TNFRSF19: variants seen among roughly 807,000 people sequenced by gnomAD.
TNFRSF19 encodes tumor necrosis factor receptor superfamily member 19.
Under a neutral mutation model 46.4 loss-of-function variants are expected in TNFRSF19, and 27 were observed. The ratio of observed to expected loss-of-function variants is 0.58; its 90% CI spans 0.43 to 0.80. TNFRSF19 has a LOEUF of 0.80. TNFRSF19 is among the 30% of genes least tolerant of loss of function. The pLI, the probability that TNFRSF19 is intolerant of heterozygous loss-of-function variation, is 0.00. For missense variants in TNFRSF19, 511 were observed against 530.8 expected, an observed-to-expected ratio of 0.96 and a Z score of 0.37; for synonymous variants, 204 against 205.0, an observed-to-expected ratio of 1.00 and a Z score of 0.04.
At chr13:23,634,131 T>G (rs965464011) in intron 5 of TNFRSF19, among the ~76,000 whole-genome samples, 2 of 152,276 alleles carry the variant, frequency 1.3e-5, no homozygotes, top group Admixed American at 6.5e-5. Context: ...AATTGAAATC[T>G]TTCAAATTTA....
At chr13:23,594,793 C>T (rs1032731419) in intron 3 of TNFRSF19, among the ~76,000 whole-genome samples, 13 of 152,292 alleles carry the variant, frequency 8.5e-5, no homozygotes, top group Admixed American at 3.3e-4. Context: ...TCAAGTGGGT[C>T]GCTGACCCCC....
intron 2 of TNFRSF19, among the ~76,000 whole-genome samples, chr13:23,591,805 A>C (rs1369594265): frequency 6.7e-6 from 1 of 149,854 alleles, no homozygotes; most frequent in Non-Finnish European, 1.5e-5. Flanking sequence ...GGCTCACTGC[A>C]ACCTCCGCTT....
At chr13:23,592,791 C>T (rs1384235558) in intron 2 of TNFRSF19, among the ~76,000 whole-genome samples, 1 of 152,218 alleles carries the variant, frequency 6.6e-6, no homozygotes, top group Non-Finnish European at 1.5e-5. Flanking sequence ...CTCATCAAAA[C>T]CGCATGGCAG....
intron 9 of TNFRSF19, among the ~76,000 whole-genome samples, chr13:23,672,228 A>G (rs1951771942): frequency 6.6e-6 from 1 of 152,204 alleles, no homozygotes; most frequent in African/African-American, 2.4e-5. Flanking sequence ...TTTAGTTTGT[A>G]TGACTCAATT....
intron 5 of TNFRSF19, among the ~76,000 whole-genome samples, chr13:23,655,682 T>C (rs1883933100): frequency 6.6e-6 from 1 of 152,110 alleles, no homozygotes; most frequent in Admixed American, 6.5e-5. Flanking sequence ...CAGCAATATC[T>C]CAATTAACAA....
intron 5 of TNFRSF19, among the ~76,000 whole-genome samples, chr13:23,634,827 A>C (rs1470537942): frequency 6.6e-6 from 1 of 152,210 alleles, no homozygotes; most frequent in Non-Finnish European, 1.5e-5. Flanking sequence ...AAGGAAGACC[A>C]GGGGATGTGG....
Position 23,600,957 on chromosome 13 carries a change from G to C in TNFRSF19, c.180+7502G>C, listed in dbSNP as rs77032513. The stretch of plus-strand genomic sequence containing the variant: ...AGAGACAATGCAAGCATCAGAACCA[G>C]ACTTGGCAGGGATCTTGGAGTTATC... On this transcript the variant is annotated intron_variant, in intron 3 of 9. Coordinates refer to ENST00000248484, the MANE Select transcript of TNFRSF19 (RefSeq NM_148957.4). Among the ~76,000 whole-genome samples, 1,274 of 152,296 alleles carry C rather than the reference G, an allele frequency of 8.4e-3. 28 individuals are homozygous for C. The highest frequency in any genetic ancestry group is 0.077 in the East Asian group (396 of 5,176).
chr13:23,669,862 T>C (rs1384745394), intron 9 of TNFRSF19, among the ~76,000 whole-genome samples: 1 of 152,170 alleles, frequency 6.6e-6, no homozygotes, highest in East Asian at 1.9e-4. Flanking sequence ...AGTGCATGTA[T>C]TGTTAGTGTT....
chr13:23,580,281 A>G (rs1330238753), intron 1 of TNFRSF19, among the ~76,000 whole-genome samples: 5 of 152,058 alleles, frequency 3.3e-5, no homozygotes, highest in African/African-American at 1.2e-4. Context: ...GCATGTTAAT[A>G]AAGGACTCAA....
At chr13:23,612,119 A>G (rs1880949615) in intron 3 of TNFRSF19, among the ~76,000 whole-genome samples, 1 of 152,212 alleles carries the variant, frequency 6.6e-6, no homozygotes, top group African/African-American at 2.4e-5. Context: ...CAGTATACGA[A>G]TGATAAAAAG....
chr13:23,650,176 T>A (rs926495000), intron 5 of TNFRSF19, among the ~76,000 whole-genome samples: 1 of 152,238 alleles, frequency 6.6e-6, no homozygotes, highest in Non-Finnish European at 1.5e-5. Flanking sequence ...TTTGACTGAC[T>A]TATTAATTAA....
chr13:23,582,680 T>C (rs1207951374), intron 1 of TNFRSF19, among the ~76,000 whole-genome samples: 2 of 152,226 alleles, frequency 1.3e-5, no homozygotes, highest in Non-Finnish European at 2.9e-5. Context: ...CCCAAAAGTT[T>C]CCTTACAACT....
intron 3 of TNFRSF19, among the ~76,000 whole-genome samples, chr13:23,594,754 C>T (rs902548503): frequency 5.3e-5 from 8 of 152,208 alleles, no homozygotes; most frequent in East Asian, 1.9e-4. Context: ...GCAAAGCACT[C>T]GAGCTCTGCT....
At chr13:23,654,819 G>A (rs1883877480) in intron 5 of TNFRSF19, among the ~76,000 whole-genome samples, 1 of 152,132 alleles carries the variant, frequency 6.6e-6, no homozygotes, top group Non-Finnish European at 1.5e-5. Flanking sequence ...ATCAAATGAA[G>A]CTCATCAATG....
Position 23,639,125 on chromosome 13 carries a change from G to T in TNFRSF19, c.445+12333G>T, listed in dbSNP as rs115523589. ...GGAAATTTTAAGGCCAGGTGTGGTG[G>T]CTTACATCTGTAATTCCAGCACTTT... On this transcript the variant is annotated intron_variant, in intron 5 of 9. Transcript: ENST00000248484. Among the ~76,000 whole-genome samples, 1,207 of 152,268 alleles carry T rather than the reference G, an allele frequency of 7.9e-3. 17 individuals carry two copies. Among genetic ancestry groups the T allele is most frequent in the African/African-American group, 0.027 (1,127 of 41,536 alleles).
At chr13:23,665,807 C>A (rs968907631) in intron 7 of TNFRSF19, among the ~76,000 whole-genome samples, 1 of 152,116 alleles carries the variant, frequency 6.6e-6, no homozygotes, top group Non-Finnish European at 1.5e-5. Context: ...ATCTACAGAG[C>A]GTATTCGTGT....
intron 3 of TNFRSF19, among the ~76,000 whole-genome samples, chr13:23,609,930 C>G (rs954035130): frequency 1.3e-5 from 2 of 152,146 alleles, no homozygotes; most frequent in Non-Finnish European, 2.9e-5. Context: ...CTCTAAAAAA[C>G]TCAAGCACAG....
intron 3 of TNFRSF19, among the ~76,000 whole-genome samples, chr13:23,599,439 G>A (rs1879970083): frequency 6.6e-6 from 1 of 152,160 alleles, no homozygotes; most frequent in Non-Finnish European, 1.5e-5. Context: ...AGGTGGTAGG[G>A]CTACAAGTTG....
chr13:23,606,611 G>T (rs904012126), intron 3 of TNFRSF19, among the ~76,000 whole-genome samples: 1 of 152,136 alleles, frequency 6.6e-6, no homozygotes, highest in African/African-American at 2.4e-5. Context: ...GGAAAAAAAA[G>T]TGACACTTAA....
Sources: allele counts gnomAD v4.1 joint callset (sites outside exome capture counted in the v4.1 genomes callset), GRCh38; gene constraint gnomAD v4.1.1; transcripts MANE v1.5; gene names NCBI Gene and HGNC (gene_info 2026-07-23, HGNC 2026-07-21).